Variants in TMSB15B observed in about 807,000 individuals in gnomAD.
The protein encoded by TMSB15B is thymosin beta-15B.
At chrX:103,924,288 C>G (rs1268091965) in intron 1 of TMSB15B, among the ~76,000 whole-genome samples, 12 of 110,987 alleles carry the variant, frequency 1.1e-4, no homozygotes, top group African/African-American at 3.9e-4. Flanking sequence ...GTAGGCCATC[C>G]CCATGCACAA....
chrX:103,955,535 G>T (rs1179628988), intron 1 of TMSB15B, among the ~76,000 whole-genome samples: 2 of 109,417 alleles, frequency 1.8e-5, no homozygotes, highest in African/African-American at 6.7e-5. Context: ...GCAGAAGAAA[G>T]AATCTCAGAG....
In TMSB15B at chrX:103,949,921, G is replaced by A. The variant is rs139555430; in HGVS notation, c.-720-12100G>A. Among the ~76,000 whole-genome samples, 264 of 111,889 alleles carry A rather than the reference G, an allele frequency of 2.4e-3. 1 individual carries two copies. Among genetic ancestry groups the A allele is most frequent in the African/African-American group, 8.2e-3 (253 of 30,797 alleles). On this transcript the variant is annotated intron_variant, in intron 1 of 3. Transcript: ENST00000419165. ...AGAAGAGGGGCCAGTAAAGGAAACT[G>A]AGAAGAAGCAGTCAGTGAGATGAGA...
chrX:103,927,516 G>A (rs2074971742), intron 1 of TMSB15B, among the ~76,000 whole-genome samples: 1 of 111,792 alleles, frequency 8.9e-6, no homozygotes, highest in Non-Finnish European at 1.9e-5. Flanking sequence ...ACTGGGCATA[G>A]CCATGAAACA....
At chrX:103,935,227 A>G (rs1222101506) in intron 1 of TMSB15B, among the ~76,000 whole-genome samples, 1 of 111,603 alleles carries the variant, frequency 9.0e-6, no homozygotes, top group Non-Finnish European at 1.9e-5. Context: ...AGTTCCTTGT[A>G]GATTCTGGAT....
intron 1 of TMSB15B, among the ~76,000 whole-genome samples, chrX:103,946,500 ATTC>A (rs1158611636): frequency 8.9e-6 from 1 of 112,372 alleles, no homozygotes; most frequent in African/African-American, 3.2e-5. Context: ...CAAATTGGTA[ATTC>A]TTCTCAAATT....
chrX:103,953,139 G>A (rs1415449356), intron 1 of TMSB15B, among the ~76,000 whole-genome samples: 1 of 111,282 alleles, frequency 9.0e-6, no homozygotes, highest in Non-Finnish European at 1.9e-5. Flanking sequence ...GCTCCCCACC[G>A]AAAGAAGTGG....
intron 1 of TMSB15B, among the ~76,000 whole-genome samples, chrX:103,921,468 C>T (rs2074952673): frequency 9.0e-6 from 1 of 111,553 alleles, no homozygotes; most frequent in South Asian, 3.8e-4. Context: ...TGTCAGAGCT[C>T]GGACAAAAAT....
chrX:103,931,146 A>T (rs1168288772), intron 1 of TMSB15B: 3 of 111,618 alleles, frequency 2.7e-5, no homozygotes, highest in Non-Finnish European at 5.6e-5. Flanking sequence ...GAGAGTTGAA[A>T]ATGAGCTTCC....
At chrX:103,952,562 GGT>G (rs1182614443) in intron 1 of TMSB15B, among the ~76,000 whole-genome samples, 1 of 111,293 alleles carries the variant, frequency 9.0e-6, no homozygotes, top group East Asian at 2.8e-4. Flanking sequence ...GATTAGCAAG[GGT>G]GCATTGTGTT....
At chrX:103,925,385 A>G (rs1334183533) in intron 1 of TMSB15B, among the ~76,000 whole-genome samples, 1 of 112,592 alleles carries the variant, frequency 8.9e-6, no homozygotes, top group African/African-American at 3.2e-5. Flanking sequence ...GATTTATACA[A>G]TGGATTACAT....
At chrX:103,939,683 C>T (rs1428774709) in intron 1 of TMSB15B, among the ~76,000 whole-genome samples, 2 of 111,244 alleles carry the variant, frequency 1.8e-5, no homozygotes, top group Non-Finnish European at 3.8e-5. Context: ...ATTCTCCATC[C>T]AGTTTTGTTC....
At chrX:103,921,045 A>G (rs1486033347) in intron 1 of TMSB15B, among the ~76,000 whole-genome samples, 2 of 112,336 alleles carry the variant, frequency 1.8e-5, no homozygotes, top group African/African-American at 6.5e-5. Flanking sequence ...AAGCCCTTCC[A>G]CTGCCGTTGG....
At chrX:103,929,043 C>A (rs2074977421) in intron 1 of TMSB15B, 1 of 1,112,838 alleles carries the variant, frequency 9.0e-7, no homozygotes, top group Non-Finnish European at 1.2e-6. Context: ...GGCCATGCCA[C>A]CTTTGTTATT....
intron 1 of TMSB15B, among the ~76,000 whole-genome samples, chrX:103,929,895 T>C (rs1330064040): frequency 9.1e-6 from 1 of 110,368 alleles, no homozygotes; most frequent in African/African-American, 3.3e-5. Context: ...TACTTTAAGT[T>C]TTAGGGTACA....
At chrX:103,942,643 A>G (rs2075015375) in intron 1 of TMSB15B, among the ~76,000 whole-genome samples, 1 of 112,270 alleles carries the variant, frequency 8.9e-6, no homozygotes, top group African/African-American at 3.2e-5. Context: ...CTTTTCACAA[A>G]ATTACTGTTG....
At chrX:103,935,998 C>T (rs2074996814) in intron 1 of TMSB15B, among the ~76,000 whole-genome samples, 2 of 109,167 alleles carry the variant, frequency 1.8e-5, no homozygotes, top group African/African-American at 6.7e-5. Flanking sequence ...AGGCATGCAC[C>T]ACCTTGCCCA....
chrX:103,919,525 C>T (rs1180803), intron 1 of TMSB15B: 19,767 of 111,261 alleles, frequency 0.18, 1,455 homozygotes, highest in Non-Finnish European at 0.24. Flanking sequence ...AAGGAGGTAG[C>T]AGTGTGCCCA....
In TMSB15B at chrX:103,945,076, C is replaced by T. The variant is rs374522814; in HGVS notation, c.-720-16945C>T. On this transcript the variant is annotated intron_variant, in intron 1 of 3. Coordinates refer to the TMSB15B transcript ENST00000419165. ...TACAGGCGTGAGCCACTGAGCCCGG[C>T]CAATATGACTTTCTTAACAGAAATA... Among the ~76,000 whole-genome samples the T allele has an allele frequency of 7.1e-5, 8 of 113,042 alleles. No homozygotes were observed. In the East Asian group the frequency reaches 2.2e-3, roughly 31 times the overall value.
At chrX:103,931,367 G>A (rs1182630498) in intron 1 of TMSB15B, 3 of 111,631 alleles carry the variant, frequency 2.7e-5, no homozygotes, top group Non-Finnish European at 5.6e-5. Context: ...AATGTTGCAA[G>A]CATAAATAAA....
Sources: gnomAD v4.1 joint callset for allele counts (sites outside exome capture counted in the v4.1 genomes callset) on GRCh38, gnomAD v4.1.1 for gene constraint, MANE v1.5 for transcripts, NCBI Gene and HGNC (gene_info 2026-07-23, HGNC 2026-07-21) for gene names.